The following MKLN1 variants were observed in gnomAD, a reference collection of about 807,000 sequenced individuals.
The protein encoded by MKLN1 is muskelin 1.
Under a neutral mutation model 99.0 loss-of-function variants are expected in MKLN1, and 18 were observed. The ratio of observed to expected loss-of-function variants is 0.18; its 90% confidence interval spans 0.13 to 0.27. MKLN1 has a LOEUF of 0.27. Ranked by LOEUF, MKLN1 falls within the 10% of genes least tolerant of loss-of-function variation. The probability of loss-of-function intolerance (pLI) is 1.00; values close to 1 mark genes in which losing one functional copy is unlikely to be tolerated. For missense variants in MKLN1, 621 were observed against 875.9 expected (o/e 0.71, Z 3.67); for synonymous variants, 288 against 293.2 (o/e 0.98, Z 0.18).
intron 3 of MKLN1, among the ~76,000 whole-genome samples, chr7:131,282,818 G>T (rs1798071560): frequency 6.6e-6 from 1 of 152,142 alleles, no homozygotes; most frequent in African/African-American, 2.4e-5. Flanking sequence ...CAGACCTATT[G>T]TATCATATTC....
At position 131,397,259 on chromosome 7, in the gene MKLN1, C is replaced by T; in HGVS notation, c.401-8C>T. ...TTTTCTTCTTCTTTTTGTTTTTTCT[C>T]CTTAAAGTTCCACTCTTGTCCTGGG... On this transcript the variant is annotated splice_region_variant and splice_polypyrimidine_tract_variant and intron_variant, in intron 4 of 17. Transcript: ENST00000352689. The T allele has an allele frequency of 6.4e-7, 1 of 1,559,276 alleles. No individual in the cohort carries two copies.
intron 12 of MKLN1, among the ~76,000 whole-genome samples, chr7:131,451,510 T>C (rs1018934760): frequency 2.0e-5 from 3 of 152,080 alleles, no homozygotes; most frequent in Non-Finnish European, 4.4e-5. Flanking sequence ...AAATCTTAAG[T>C]TGTTGCTCTT....
intron 16 of MKLN1, among the ~76,000 whole-genome samples, chr7:131,475,539 C>A (rs961561733): frequency 6.6e-6 from 1 of 152,174 alleles, no homozygotes; most frequent in Non-Finnish European, 1.5e-5. Flanking sequence ...AGAAGCTGGG[C>A]GTGGTGGCTC....
chr7:131,236,641 A>T (rs1441568873), intron 3 of MKLN1, among the ~76,000 whole-genome samples: 1 of 152,126 alleles, frequency 6.6e-6, no homozygotes, highest in Non-Finnish European at 1.5e-5. Flanking sequence ...AGCCTGGGTA[A>T]CAGAGTGAGA....
intron 3 of MKLN1, among the ~76,000 whole-genome samples, chr7:131,315,526 G>A (rs558315168): frequency 2.0e-5 from 3 of 152,272 alleles, no homozygotes; most frequent in South Asian, 4.1e-4. Flanking sequence ...CCCCAGTGGC[G>A]CCTGGAACCC....
chr7:131,333,561 A>T (rs188877378), intron 1 of MKLN1, among the ~76,000 whole-genome samples: 16 of 149,580 alleles, frequency 1.1e-4, no homozygotes, highest in African/African-American at 3.7e-4. Flanking sequence ...TTTGAAACGG[A>T]GTTTCGCTCT....
chr7:131,167,105 C>A (rs1584803768), intron 2 of MKLN1, among the ~76,000 whole-genome samples: 1 of 151,988 alleles, frequency 6.6e-6, no homozygotes, highest in African/African-American at 2.4e-5. Context: ...TGATCAGCAT[C>A]TGACATACTA....
chr7:131,433,877 T>C (rs1795598768), intron 9 of MKLN1, among the ~76,000 whole-genome samples: 1 of 88,012 alleles, frequency 1.1e-5, no homozygotes. Flanking sequence ...CATTTTGTCG[T>C]TTGAATTTTT....
intron 2 of MKLN1, among the ~76,000 whole-genome samples, chr7:131,172,907 G>T (rs1389460523): frequency 6.6e-6 from 1 of 152,144 alleles, no homozygotes; most frequent in African/African-American, 2.4e-5. Context: ...CTTAAATGTA[G>T]TAGAGAGATT....
intron 1 of MKLN1, among the ~76,000 whole-genome samples, chr7:131,338,790 G>A (rs1390259924): frequency 6.6e-6 from 1 of 152,180 alleles, no homozygotes. Context: ...GGAAAGAATT[G>A]TGGAACTTAA....
At chr7:131,429,669 C>G (rs948449536) in intron 9 of MKLN1, among the ~76,000 whole-genome samples, 2 of 152,180 alleles carry the variant, frequency 1.3e-5, no homozygotes, top group African/African-American at 4.8e-5. Context: ...AGCTCCGCCT[C>G]CCAGGTTCAT....
chr7:131,167,466 G>T (rs1796142903), intron 2 of MKLN1, among the ~76,000 whole-genome samples: 1 of 152,082 alleles, frequency 6.6e-6, no homozygotes, highest in Non-Finnish European at 1.5e-5. Context: ...GAGCCTAGGA[G>T]TTCAAGACCA....
chr7:131,429,351 T>TAG (rs998766913), intron 9 of MKLN1, among the ~76,000 whole-genome samples: 10 of 151,788 alleles, frequency 6.6e-5, no homozygotes, highest in South Asian at 2.1e-4. Context: ...ATCTGTTTTA[T>TAG]AGAGAGAGAG....
intron 17 of MKLN1, among the ~76,000 whole-genome samples, chr7:131,484,435 C>A (rs1436638370): frequency 6.6e-6 from 1 of 152,064 alleles, no homozygotes; most frequent in Admixed American, 6.6e-5. Context: ...ATAGTAATAA[C>A]CTTAAGATTA....
chr7:131,110,754 A>G (rs1208196365), intron 1 of MKLN1, among the ~76,000 whole-genome samples: 2 of 152,076 alleles, frequency 1.3e-5, no homozygotes, highest in African/African-American at 4.8e-5. Flanking sequence ...TGACCAGCAT[A>G]CCTCATTCGG....
intron 16 of MKLN1, among the ~76,000 whole-genome samples, chr7:131,477,383 C>CAA (rs5887507): frequency 9.0e-4 from 126 of 139,398 alleles, no homozygotes; most frequent in African/African-American, 1.2e-3. Context: ...TCGTCTCTAC[C>CAA]AAAAAAAAAA....
chr7:131,295,358 G>T (rs977837841), intron 3 of MKLN1, among the ~76,000 whole-genome samples: 2 of 152,036 alleles, frequency 1.3e-5, no homozygotes, highest in Non-Finnish European at 2.9e-5. Context: ...AAAGATAAAT[G>T]CTGATAAACA....
intron 9 of MKLN1, among the ~76,000 whole-genome samples, chr7:131,432,594 C>G (rs1795557413): frequency 6.6e-6 from 1 of 152,034 alleles, no homozygotes; most frequent in Non-Finnish European, 1.5e-5. Context: ...ATTACAGGTG[C>G]CTGCCACCAC....
chr7:131,150,465 T>G lies in MKLN1; in HGVS notation c.-297+7524T>G, dbSNP rs189869658. 7.7e-3 allele frequency among the ~76,000 whole-genome samples: 1,165 copies of G among 152,112 alleles called. 6 individuals carry two copies. Among genetic ancestry groups the G allele is most frequent in the South Asian group, 0.019 (92 of 4,818 alleles). On this transcript the variant is annotated intron_variant, in intron 2 of 7. Transcript: ENST00000416992. ...TGGCACCACTGCACTCCAGCTTGGG[T>G]GACAGATGAAGACCCTGTCTCAAAC...
Sources: gnomAD v4.1 joint callset for allele counts (sites outside exome capture counted in the v4.1 genomes callset) on GRCh38, gnomAD v4.1.1 for gene constraint, MANE v1.5 for transcripts, NCBI Gene and HGNC (gene_info 2026-07-23, HGNC 2026-07-21) for gene names.